LRP1B: variants seen among roughly 807,000 people sequenced by gnomAD.
LRP1B encodes the protein LDL receptor related protein 1B.
LRP1B carries 217 observed loss-of-function variants against 556.6 expected under a neutral mutation model. The observed-to-expected ratio is 0.39, with a 90% CI of 0.35 to 0.44. LRP1B has a LOEUF of 0.44. Ranked by LOEUF, LRP1B falls within the 20% of genes least tolerant of loss-of-function variation. The pLI is 1.00. For missense variants in LRP1B, 5,053 were observed against 5,620.8 expected (o/e 0.90, Z 3.23); for synonymous variants, 2,047 against 1,865.8 (o/e 1.10, Z -2.50).
chr2:140,762,324 C>G (rs1051667899), intron 35 of LRP1B, among the ~76,000 whole-genome samples: 3 of 152,118 alleles, frequency 2.0e-5, no homozygotes, highest in Non-Finnish European at 4.4e-5. Context: ...TTCCTATACT[C>G]ATATCTCATC....
intron 2 of LRP1B, among the ~76,000 whole-genome samples, chr2:141,638,583 A>T (rs1439567830): frequency 1.7e-5 from 2 of 117,990 alleles, no homozygotes; most frequent in Admixed American, 1.7e-4. Flanking sequence ...AACACACTGG[A>T]GGCCGAGACC....
At chr2:142,045,648 A>C (rs1157627346) in intron 1 of LRP1B, among the ~76,000 whole-genome samples, 1 of 151,870 alleles carries the variant, frequency 6.6e-6, no homozygotes, top group East Asian at 1.9e-4. Flanking sequence ...CATAATATCT[A>C]ATATATTTAA....
intron 13 of LRP1B, among the ~76,000 whole-genome samples, chr2:141,014,789 C>A (rs1697855173): frequency 6.6e-6 from 1 of 152,022 alleles, no homozygotes; most frequent in Non-Finnish European, 1.5e-5. Context: ...ATTTATCTAG[C>A]ACCTGTTAAG....
At chr2:141,047,203 G>A (rs1237696969) in intron 11 of LRP1B, among the ~76,000 whole-genome samples, 1 of 151,956 alleles carries the variant, frequency 6.6e-6, no homozygotes, top group East Asian at 1.9e-4. Flanking sequence ...ATCACATTAA[G>A]AGAAAAGTAG....
intron 1 of LRP1B, among the ~76,000 whole-genome samples, chr2:141,890,329 T>TATATAC (rs141276443): frequency 0.4 from 47,586 of 118,336 alleles, 9,765 homozygotes; most frequent in Admixed American, 0.5. Flanking sequence ...AATACATATA[T>TATATAC]ATATATATAT....
intron 79 of LRP1B, among the ~76,000 whole-genome samples, chr2:140,326,120 T>A (rs1680463046): frequency 6.6e-6 from 1 of 152,154 alleles, no homozygotes; most frequent in Non-Finnish European, 1.5e-5. Context: ...TTATTTCACA[T>A]AGGAAAGTCT....
chr2:141,355,654 T>C (rs57565216), intron 3 of LRP1B, among the ~76,000 whole-genome samples: 3,812 of 152,146 alleles, frequency 0.025, 187 homozygotes, highest in African/African-American at 0.087. Flanking sequence ...ACACTCAAGA[T>C]AAATTAAAAA....
intron 90 of LRP1B, 47 bp from the exon 91 acceptor site, chr2:140,233,373 A>G (rs1680556462): frequency 7.3e-7 from 1 of 1,367,640 alleles, no homozygotes; most frequent in Non-Finnish European, 9.9e-7. Flanking sequence ...GGTCTTGGCC[A>G]CATTAATTAT....
intron 86 of LRP1B, among the ~76,000 whole-genome samples, chr2:140,259,263 A>G (rs1681827073): frequency 6.6e-6 from 1 of 152,084 alleles, no homozygotes; most frequent in East Asian, 1.9e-4. Context: ...TCTATTTTTG[A>G]GAGACAATCA....
chr2:141,533,607 C>T (rs1393052792), intron 2 of LRP1B, among the ~76,000 whole-genome samples: 3 of 152,136 alleles, frequency 2.0e-5, no homozygotes, highest in Non-Finnish European at 2.9e-5. Flanking sequence ...AACCTAATAT[C>T]GGAATCTCCT....
At chr2:141,683,830 AG>A (rs1375359060) in intron 2 of LRP1B, among the ~76,000 whole-genome samples, 2 of 152,150 alleles carry the variant, frequency 1.3e-5, no homozygotes, top group African/African-American at 4.8e-5. Context: ...GCGGCTTAAA[AG>A]GATTAAAACT....
intron 35 of LRP1B, among the ~76,000 whole-genome samples, chr2:140,736,391 T>G (rs1026141750): frequency 1.3e-5 from 2 of 152,062 alleles, no homozygotes; most frequent in African/African-American, 4.8e-5. Context: ...TTGTTTCATA[T>G]GGAACCAAAA....
At chr2:140,454,805 G>A (rs879888237) in intron 62 of LRP1B, among the ~76,000 whole-genome samples, 1 of 152,140 alleles carries the variant, frequency 6.6e-6, no homozygotes, top group Non-Finnish European at 1.5e-5. Context: ...TGCCTGTAGT[G>A]AGGCTGATGT....
At chr2:141,986,793 A>G (rs1396496943) in intron 1 of LRP1B, among the ~76,000 whole-genome samples, 1 of 151,970 alleles carries the variant, frequency 6.6e-6, no homozygotes, top group African/African-American at 2.4e-5. Context: ...GAATGATCAC[A>G]TTGGTCAAAC....
intron 43 of LRP1B, among the ~76,000 whole-genome samples, chr2:140,564,254 C>G (rs756760352): frequency 4.6e-5 from 7 of 152,048 alleles, no homozygotes; most frequent in Non-Finnish European, 1.0e-4. Flanking sequence ...TGTGGCACAA[C>G]TGAAATTTTT....
chr2:140,417,374 C>T (rs1685245176), intron 66 of LRP1B, among the ~76,000 whole-genome samples: 1 of 152,056 alleles, frequency 6.6e-6, no homozygotes, highest in Admixed American at 6.6e-5. Flanking sequence ...TGACTAAAAC[C>T]ATAACAAGAC....
chr2:141,727,900 G>A (rs1574290649), intron 2 of LRP1B, among the ~76,000 whole-genome samples: 1 of 152,152 alleles, frequency 6.6e-6, no homozygotes, highest in East Asian at 1.9e-4. Context: ...AGTAAGAGAG[G>A]ACCAAAGAGG....
intron 30 of LRP1B, 81 bp from the exon 31 acceptor site, chr2:140,840,166 T>A: frequency 1.3e-6 from 1 of 740,994 alleles, no homozygotes; most frequent in Non-Finnish European, 2.2e-6. Context: ...AAAAACAAAG[T>A]AAACATCAAA....
intron 57 of LRP1B, among the ~76,000 whole-genome samples, chr2:140,489,800 C>T (rs924758780): frequency 1.3e-5 from 2 of 152,020 alleles, no homozygotes; most frequent in Non-Finnish European, 2.9e-5. Context: ...CAAAGATTTA[C>T]CCACAATCCC....
Sources: allele counts gnomAD v4.1 joint callset (sites outside exome capture counted in the v4.1 genomes callset), GRCh38; gene constraint gnomAD v4.1.1; transcripts MANE v1.5; gene names NCBI Gene and HGNC (gene_info 2026-07-23, HGNC 2026-07-21).